Variants in PDZD2 observed in about 807,000 individuals in gnomAD.
PDZD2 encodes the protein PDZ domain-containing protein 2.
PDZD2 carries 90 observed loss-of-function variants against 220.7 expected under a neutral mutation model. That is an observed-to-expected ratio of 0.41 (90% CI 0.34 to 0.49). The LOEUF (loss-of-function observed/expected upper bound fraction) is 0.49. Ranked by LOEUF, PDZD2 falls within the 20% of genes least tolerant of loss-of-function variation. The pLI, the probability that PDZD2 is intolerant of heterozygous loss-of-function variation, is 0.28. For missense variants in PDZD2, 3,174 were observed against 3,608.5 expected, an observed-to-expected ratio of 0.88 and a Z score of 3.08; for synonymous variants, 1,375 against 1,450.5, an observed-to-expected ratio of 0.95 and a Z score of 1.18.
At chr5:31,728,185 C>T (rs1428958765) in intron 1 of PDZD2, among the ~76,000 whole-genome samples, 1 of 151,946 alleles carries the variant, frequency 6.6e-6, no homozygotes, top group African/African-American at 2.4e-5. Context: ...GCAGCATCTT[C>T]TGGCCTCTAT....
chr5:32,021,007 GA>G lies in PDZD2; in HGVS notation c.1407+10532del, dbSNP rs201973889. Among the ~76,000 whole-genome samples the G allele has an allele frequency of 4.2e-3, 629 of 151,050 alleles. 16 individuals carry two copies. The highest frequency in any genetic ancestry group is 0.034 in the Admixed American group (523 of 15,196). On this transcript the variant is annotated intron_variant, in intron 6 of 24. Transcript: ENST00000438447. ...ATAAATGGGCATTGGGTGCCGGGGGGAAAAAAACCCCACCTTACTTAAAGAC... is the reference window on the plus strand; with the variant it reads ...ATAAATGGGCATTGGGTGCCGGGGGGAAAAAACCCCACCTTACTTAAAGAC...
chr5:32,102,251 A>C (rs890005210), intron 24 of PDZD2, among the ~76,000 whole-genome samples: 1 of 152,070 alleles, frequency 6.6e-6, no homozygotes, highest in Non-Finnish European at 1.5e-5. Context: ...AGAAATGTGC[A>C]CTGCAGGCTG....
At chr5:31,930,879 G>A (rs536645478) in intron 2 of PDZD2, among the ~76,000 whole-genome samples, 151 of 152,274 alleles carry the variant, frequency 9.9e-4, no homozygotes, top group African/African-American at 3.3e-3. Flanking sequence ...AGAGACTGAA[G>A]AAGTGGAGTT....
chr5:31,741,597 C>T (rs1006920020), intron 1 of PDZD2, among the ~76,000 whole-genome samples: 3 of 152,150 alleles, frequency 2.0e-5, no homozygotes, highest in African/African-American at 4.8e-5. Flanking sequence ...TAGCTGAGAG[C>T]CTTGGGGAAA....
chr5:32,042,497 C>T (rs1257172377), intron 7 of PDZD2, among the ~76,000 whole-genome samples: 1 of 152,096 alleles, frequency 6.6e-6, no homozygotes, highest in Non-Finnish European at 1.5e-5. Context: ...CACTTGAACC[C>T]AGGAGGCAGA....
At position 32,090,255 on chromosome 5, in the gene PDZD2, C is replaced by T. The variant is rs759093558; in HGVS notation, c.6807C>T (p.Pro2269=). 6.2e-6 allele frequency: 10 copies of T among 1,614,194 alleles called. No homozygotes were observed. The South Asian group carries it at 9.9e-5, about 16-fold the overall frequency. Residue 2269 remains proline, a synonymous_variant, in exon 20 of 25, where the codon CCC becomes CCT. Coordinates refer to ENST00000438447, the MANE Select transcript of PDZD2 (RefSeq NM_178140.4). This position sits in a 1 kb window ranked among gnomAD's most constrained non-coding sequence, Gnocchi z 4.3. ...PEAKASRGGL[P]SLANGQGIYS... The stretch of plus-strand genomic sequence containing the variant: ...CAAAGGCATCCAGAGGTGGTCTTCC[C>T]AGCCTGGCTAATGGACAGGGCATAT...
Position 32,057,695 on chromosome 5 carries a change from C to A in PDZD2, c.1941C>A (p.Gly647=). The A allele has an allele frequency of 6.3e-7, 1 of 1,594,866 alleles. No homozygotes were observed. The highest frequency in any genetic ancestry group is 8.6e-7 in the Non-Finnish European group (1 of 1,163,558). The change falls in exon 11 of 25, where the codon GGC becomes GGA. Residue 647 remains glycine (G), a synonymous_variant. Coordinates refer to ENST00000438447, the MANE Select transcript of PDZD2 (RefSeq NM_178140.4). ...ILDVNGIPIK[G]LTFQEAIHTF... ...ATGTAAATGGAATACCAATAAAGGG[C>A]TTGACATTTCAAGAAGCCATTCATA...
intron 1 of PDZD2, among the ~76,000 whole-genome samples, chr5:31,696,061 A>G (rs1747365765): frequency 6.6e-6 from 1 of 151,758 alleles, no homozygotes; most frequent in Non-Finnish European, 1.5e-5. Flanking sequence ...TTGTACACCC[A>G]CTGAGCAAAA....
intron 1 of PDZD2, among the ~76,000 whole-genome samples, chr5:31,664,159 C>T (rs1745888509): frequency 6.6e-6 from 1 of 152,008 alleles, no homozygotes. Context: ...AATTAAACCT[C>T]CAAGTTTTGT....
intron 2 of PDZD2, among the ~76,000 whole-genome samples, chr5:31,835,453 A>T (rs1442591020): frequency 1.3e-5 from 2 of 151,740 alleles, no homozygotes; most frequent in African/African-American, 4.8e-5. Context: ...ACCTGTCTTT[A>T]CTAAAAATAC....
chr5:31,794,729 AT>A (rs1031370849), intron 1 of PDZD2, among the ~76,000 whole-genome samples: 9 of 151,820 alleles, frequency 5.9e-5, no homozygotes, highest in African/African-American at 1.5e-4. Context: ...CTTTTAAAAA[AT>A]TTTTTTTTAT....
Position 32,088,177 on chromosome 5 carries a change from T to C in PDZD2, c.4729T>C (p.Trp1577Arg), listed in dbSNP as rs1023294283. The change falls in exon 20 of 25, where the codon TGG (tryptophan) becomes CGG (arginine). Residue 1577 changes from tryptophan to arginine, a missense_variant. Physicochemically the swap from Trp to Arg is moderately radical, Grantham distance 101 (BLOSUM62 -3). Around this residue, in one of 4 missense-constraint regions of PDZD2, gnomAD observed 1,861 missense variants for 2,001.0 expected, o/e 0.93. Coordinates refer to ENST00000438447, the MANE Select transcript of PDZD2 (RefSeq NM_178140.4). This position sits in a 1 kb window ranked among gnomAD's most constrained non-coding sequence, Gnocchi z 4.6. ...CCCACGAGCTTCTGCCAGGGACGGC[T>C]GGTCCCCTCCTCGTTCCCGTGTGTC... is the stretch of plus-strand genomic sequence containing the variant. Reference protein sequence around the residue: ...EAPRASARDGWSPPRSRVSLH... With the variant: ...EAPRASARDGRSPPRSRVSLH... 1.2e-6 allele frequency: 2 copies of C among 1,614,008 alleles called. No homozygotes were observed. Among genetic ancestry groups the C allele is most frequent in the Non-Finnish European group, 1.7e-6 (2 of 1,179,970 alleles).
chr5:31,847,460 C>T (rs62360841), intron 2 of PDZD2: 52,752 of 580,028 alleles, frequency 0.091, 2,859 homozygotes, highest in Middle Eastern at 0.12. Context: ...TGTCAGATTG[C>T]GTATGCCCAT....
intron 1 of PDZD2, among the ~76,000 whole-genome samples, chr5:31,735,474 C>T (rs1749803437): frequency 6.6e-6 from 1 of 152,142 alleles, no homozygotes; most frequent in African/African-American, 2.4e-5. Flanking sequence ...CAATAATGAC[C>T]TTCCATGACC....
intron 14 of PDZD2, among the ~76,000 whole-genome samples, chr5:32,066,198 T>C (rs1426971426): frequency 6.7e-6 from 1 of 149,964 alleles, no homozygotes; most frequent in African/African-American, 2.5e-5. Context: ...CAAAAAAAAT[T>C]GTCAGGTGTG....
At position 32,108,284 on chromosome 5, in the gene PDZD2, T is replaced by TTAAC. The variant is rs911410369; in HGVS notation, c.*151_*154dup. 5 of 533,418 alleles carry TTAAC rather than the reference T, an allele frequency of 9.4e-6. No individual in the cohort carries two copies. Among genetic ancestry groups the TTAAC allele is most frequent in the African/African-American group, 7.7e-5 (4 of 51,910 alleles). The allele number at this position is 533,418 out of a possible 1,614,324, so 33.0% of individuals were successfully genotyped here. ...CTTGTGCTTACACATGAAGCCTGACTTAACTGTATGTGCAACAGCAATGAA... is the reference window on the plus strand; with the variant it reads ...CTTGTGCTTACACATGAAGCCTGACTTAACTAACTGTATGTGCAACAGCAATGAA... On this transcript the variant is annotated 3_prime_UTR_variant, in exon 25 of 25. Coordinates refer to ENST00000438447, the MANE Select transcript of PDZD2 (RefSeq NM_178140.4).
intron 2 of PDZD2, chr5:31,840,650 G>A (rs1239048316): frequency 6.2e-5 from 45 of 724,382 alleles, no homozygotes; most frequent in Non-Finnish European, 5.4e-5. Flanking sequence ...TTTTCCTCAC[G>A]CGTTTCAGGA....
intron 2 of PDZD2, among the ~76,000 whole-genome samples, chr5:31,899,004 A>G (rs1335029596): frequency 1.3e-5 from 2 of 150,454 alleles, no homozygotes; most frequent in Non-Finnish European, 3.0e-5. Context: ...TTTTTTTTGT[A>G]TTTTAGTATA....
Position 32,110,788 on chromosome 5 carries a change from C to T in PDZD2, c.*2653C>T, listed in dbSNP as rs1026388379. Reference sequence around the variant, plus strand: ...CCTTTATTTATGTAAAGTAAAATGCCTTATATATTAAAGAGTAAGTGCAAT... The same window carrying T: ...CCTTTATTTATGTAAAGTAAAATGCTTTATATATTAAAGAGTAAGTGCAAT... On this transcript the variant is annotated 3_prime_UTR_variant, in exon 25 of 25. Coordinates refer to ENST00000438447, the MANE Select transcript of PDZD2 (RefSeq NM_178140.4). 11 of 152,324 alleles carry T rather than the reference C, an allele frequency of 7.2e-5. No individual in the cohort carries two copies. The highest frequency in any genetic ancestry group is 1.0e-4 in the Non-Finnish European group (7 of 67,988). The allele number at this position is 152,324 out of a possible 1,614,324, so 9.4% of individuals were successfully genotyped here. A position where few individuals can be genotyped will look rare whatever the true frequency, so the allele number is the denominator to read the frequency against.
Sources: allele counts gnomAD v4.1 joint callset (sites outside exome capture counted in the v4.1 genomes callset), GRCh38; gene constraint gnomAD v4.1.1; regional missense constraint gnomAD v4.1.1; non-coding constraint Gnocchi (gnomAD v3.1); transcripts MANE v1.5; gene names NCBI Gene and HGNC (gene_info 2026-07-23, HGNC 2026-07-21).